RIPOR3: variants seen among roughly 807,000 people sequenced by gnomAD.
RIPOR3 encodes the protein RIPOR family member 3.
In RIPOR3, 95 loss-of-function variants were observed where a neutral mutation model predicts 114.3. The observed-to-expected ratio is 0.83, with a 90% CI of 0.70 to 0.99. The LOEUF (loss-of-function observed/expected upper bound fraction) is 0.99, where lower values mean the gene tolerates loss of function less well. RIPOR3 is among the 50% of genes least tolerant of loss of function. The probability of loss-of-function intolerance (pLI) is 0.00; values close to 1 mark genes in which losing one functional copy is unlikely to be tolerated. For synonymous variants in RIPOR3, 575 were observed against 543.8 expected, an observed-to-expected ratio of 1.06 and a Z score of -0.80; for missense variants, 1,252 against 1,266.9, an observed-to-expected ratio of 0.99 and a Z score of 0.18.
intron 1 of RIPOR3, among the ~76,000 whole-genome samples, chr20:50,660,881 C>T (rs571356835): frequency 2.6e-5 from 4 of 151,320 alleles, no homozygotes; most frequent in South Asian, 2.1e-4. Context: ...CAGCACCCCC[C>T]ACCTATGCCC....
intron 1 of RIPOR3, chr20:50,662,202 A>T (rs1406776269): frequency 6.6e-6 from 1 of 152,272 alleles, no homozygotes; most frequent in East Asian, 1.9e-4. Context: ...CCAGGGCAGG[A>T]CCCTCTGAAG....
chr20:50,681,462 C>T (rs1188046871), intron 1 of RIPOR3, among the ~76,000 whole-genome samples: 1 of 152,092 alleles, frequency 6.6e-6, no homozygotes, highest in African/African-American at 2.4e-5. Context: ...TACTGAAAGG[C>T]AGCATAAACC....
chr20:50,640,047 A>G lies in RIPOR3; in HGVS notation c.4-9191T>C, dbSNP rs536891104. 8.1e-4 allele frequency among the ~76,000 whole-genome samples: 122 copies of G among 150,830 alleles called. 1 individual carries two copies. The highest frequency in any genetic ancestry group is 2.1e-3 in the Admixed American group (31 of 15,120). On this transcript the variant is annotated intron_variant, in intron 1 of 21. Transcript: ENST00000327979. ...TATGGTGGCTTAGGCATAATTTTCC[A>G]TGGGCGAAATGAGTAGTATTGAAGA...
intron 12 of RIPOR3, among the ~76,000 whole-genome samples, chr20:50,604,441 C>A (rs975886645): frequency 6.6e-6 from 1 of 152,214 alleles, no homozygotes; most frequent in Non-Finnish European, 1.5e-5. Context: ...TCCTGAAGAA[C>A]CAGCCAAGCC....
At chr20:50,609,544 G>C in intron 7 of RIPOR3, 29 bp downstream of exon 7, 1 of 1,428,454 alleles carries the variant, frequency 7.0e-7, no homozygotes, top group Non-Finnish European at 9.1e-7. Flanking sequence ...TGCTGCCCCT[G>C]CTGCCCAGCC....
chr20:50,681,175 A>G (rs577850759), intron 1 of RIPOR3, among the ~76,000 whole-genome samples: 5 of 149,264 alleles, frequency 3.3e-5, no homozygotes, highest in African/African-American at 1.2e-4. Flanking sequence ...CAGTGAGCCA[A>G]GATTGCACCA....
At chr20:50,654,146 A>C (rs2085720145) in intron 1 of RIPOR3, among the ~76,000 whole-genome samples, 1 of 152,054 alleles carries the variant, frequency 6.6e-6, no homozygotes, top group Admixed American at 6.6e-5. Flanking sequence ...GGCAAGTACT[A>C]GGAAGCAGGG....
intron 13 of RIPOR3, among the ~76,000 whole-genome samples, chr20:50,598,884 G>A (rs866337566): frequency 1.9e-4 from 27 of 142,956 alleles, no homozygotes; most frequent in African/African-American, 4.6e-4. Flanking sequence ...CAGCCTGAGC[G>A]ACAGAGCAAG....
Position 50,604,884 on chromosome 20 carries a change from A to G in RIPOR3, c.957-110T>C, listed in dbSNP as rs116024636. On this transcript the variant is annotated intron_variant, in intron 11 of 21. Transcript: ENST00000327979. ...TGCAGGTAGATGGTCTTCATCTTAC[A>G]ATACAATAGCATGGATGGTGTGTGA... 641 of 1,311,338 alleles carry G rather than the reference A, an allele frequency of 4.9e-4. 4 individuals carry two copies. The African/African-American group carries it at 8.8e-3, about 18-fold the overall frequency. 81.2% of individuals were successfully genotyped at this position (1,311,338 alleles called of 1,614,324 possible). A position where few individuals can be genotyped will look rare whatever the true frequency, so the allele number is the denominator to read the frequency against.
chr20:50,595,560 C>G (rs918253533), intron 15 of RIPOR3, 56 bp from the exon 16 acceptor site: 1 of 1,591,326 alleles, frequency 6.3e-7, no homozygotes, highest in South Asian at 1.1e-5. Flanking sequence ...CCGAGGTCAG[C>G]TGTTACGGCT....
intron 17 of RIPOR3, among the ~76,000 whole-genome samples, chr20:50,593,579 A>C (rs996998065): frequency 6.6e-6 from 1 of 152,054 alleles, no homozygotes; most frequent in African/African-American, 2.4e-5. Flanking sequence ...TCTCAAAAAA[A>C]AAAAGGGTTT....
rs140498431 is a variant in RIPOR3, at chr20:50,608,508, C to T, written c.837G>A (p.Ser279=). ...IKVTELRGLG[S]LAVGAVTCDI... Reference sequence around the variant, plus strand: ...CACACGTCACTGCACCCACAGCCAGCGAGCCCAGGCCCCGCAACTCCGTCA... The same window carrying T: ...CACACGTCACTGCACCCACAGCCAGTGAGCCCAGGCCCCGCAACTCCGTCA... The change falls in exon 11 of 22, where the codon TCG becomes TCA. Residue 279 remains serine (S), a synonymous_variant. Coordinates refer to ENST00000327979, the MANE Select transcript of RIPOR3 (RefSeq NM_001290268.2). 8,549 of 1,613,830 alleles carry T rather than the reference C, an allele frequency of 5.3e-3. 60 individuals carry two copies. The highest frequency in any genetic ancestry group is 0.023 in the Middle Eastern group (141 of 6,060).
At chr20:50,627,659 G>A (rs1028943669) in intron 2 of RIPOR3, among the ~76,000 whole-genome samples, 30 of 152,106 alleles carry the variant, frequency 2.0e-4, no homozygotes, top group Admixed American at 1.8e-3. Flanking sequence ...CTCCAGCCCG[G>A]GCGAGAGAGA....
At position 50,664,796 on chromosome 20, in the gene RIPOR3, G is replaced by A. The variant is rs998849478; in HGVS notation, c.3+26330C>T. Among the ~76,000 whole-genome samples, 5 of 152,104 alleles carry A rather than the reference G, an allele frequency of 3.3e-5. No individual in the cohort carries two copies. In the East Asian group the frequency reaches 7.7e-4, roughly 24 times the overall value. On this transcript the variant is annotated intron_variant, in intron 1 of 21. Transcript: ENST00000327979. ...TGTGTCTGCCATGAAGTGGGAAATCGGTGGGGGAAGAAAAAAGAAACCCGG... is the reference window on the plus strand; with the variant it reads ...TGTGTCTGCCATGAAGTGGGAAATCAGTGGGGGAAGAAAAAAGAAACCCGG...
At position 50,596,231 on chromosome 20, in the gene RIPOR3, A is replaced by C; in HGVS notation, c.1823T>G (p.Leu608Arg). The part of the protein sequence containing the change: ...KDRPLPPPSS[L>R]KASSRELTAG... ...TGTGAGTTCCCTGGATGACGCTTTCAGTGATGACGGTGGGGGCAGGGGCCG... is the reference window on the plus strand; with the variant it reads ...TGTGAGTTCCCTGGATGACGCTTTCCGTGATGACGGTGGGGGCAGGGGCCG... The change falls in exon 15 of 22, where the codon CTG (leucine) becomes CGG (arginine). Residue 608 changes from leucine (L) to arginine (R), a missense_variant. Physicochemically the swap from Leu to Arg is moderately radical, Grantham distance 102. Coordinates refer to ENST00000327979, the MANE Select transcript of RIPOR3 (RefSeq NM_001290268.2). 6.2e-7 allele frequency: 1 copy of C among 1,614,176 alleles called. No individual in the cohort carries two copies. Among genetic ancestry groups the C allele is most frequent in the Non-Finnish European group, 8.5e-7 (1 of 1,180,032 alleles).
Position 50,587,095 on chromosome 20 carries a change from G to T in RIPOR3, c.*137C>A. 3 of 674,204 alleles carry T rather than the reference G, an allele frequency of 4.4e-6. No homozygotes were observed. The South Asian group carries it at 5.5e-5, about 12-fold the overall frequency. The allele number at this position is 674,204 out of a possible 1,614,324, so 41.8% of individuals were successfully genotyped here. A position where few individuals can be genotyped will look rare whatever the true frequency, so the allele number is the denominator to read the frequency against. On this transcript the variant is annotated 3_prime_UTR_variant, in exon 22 of 22. Transcript: ENST00000327979. ...ATGCCCTGGGGCTGGGTCAATGGCC[G>T]GAGTCTCAGGTAGAGCTCTGGGCAG... is the stretch of plus-strand genomic sequence containing the variant.
intron 1 of RIPOR3, among the ~76,000 whole-genome samples, chr20:50,638,159 G>A (rs1388193298): frequency 6.6e-6 from 1 of 152,176 alleles, no homozygotes; most frequent in Non-Finnish European, 1.5e-5. Context: ...GAGCCAGGAG[G>A]GGACACCCAA....
Position 50,594,626 on chromosome 20 carries a change from C to T in RIPOR3, c.2139G>A (p.Thr713=), listed in dbSNP as rs539155326. The stretch of plus-strand genomic sequence containing the variant: ...TTTTCTTGAGCTGGTTCAGCAGCGT[C>T]GTGGCAGGGCAGGACAGGACCCTGC... The part of the protein sequence containing the change: ...GPGRVLSCPA[T]TLLNQLKKTF... Residue 713 remains threonine (T), a synonymous_variant, in exon 17 of 22, where the codon ACG becomes ACA. Transcript: ENST00000327979. 12 of 1,613,958 alleles carry T rather than the reference C, an allele frequency of 7.4e-6. No individual in the cohort carries two copies. Among genetic ancestry groups the T allele is most frequent in the South Asian group, 5.5e-5 (5 of 91,068 alleles).
chr20:50,680,382 C>T (rs1056076591), intron 1 of RIPOR3, among the ~76,000 whole-genome samples: 1 of 152,188 alleles, frequency 6.6e-6, no homozygotes, highest in African/African-American at 2.4e-5. Flanking sequence ...AAAGAAAAAT[C>T]ACTTTTTTCC....
Sources: gnomAD v4.1 joint callset for allele counts (sites outside exome capture counted in the v4.1 genomes callset) on GRCh38, gnomAD v4.1.1 for gene constraint, MANE v1.5 for transcripts, NCBI Gene and HGNC (gene_info 2026-07-23, HGNC 2026-07-21) for gene names.